EDEM1: variants seen among roughly 807,000 people sequenced by gnomAD.
The protein encoded by EDEM1 is ER degradation-enhancing alpha-mannosidase-like protein 1.
A neutral mutation model predicts 74.4 loss-of-function variants in EDEM1; 67 were observed. That is an observed-to-expected ratio of 0.90 (90% CI 0.74 to 1.10). EDEM1 has a LOEUF of 1.10. Among genes scored for constraint, EDEM1 ranks in the 50% least tolerant of loss-of-function variants. The probability of loss-of-function intolerance (pLI) is 0.00; values close to 1 mark genes in which losing one functional copy is unlikely to be tolerated. For missense variants in EDEM1, 926 were observed against 851.6 expected, an observed-to-expected ratio of 1.09 and a Z score of -1.09; for synonymous variants, 382 against 335.9, an observed-to-expected ratio of 1.14 and a Z score of -1.50.
rs555459073 is a variant in EDEM1, at chr3:5,209,429, G to T, written c.1510-746G>T. Among the ~76,000 whole-genome samples, 7 of 152,134 alleles carry T rather than the reference G, an allele frequency of 4.6e-5. No homozygotes were observed. In the East Asian group the frequency reaches 1.4e-3, roughly 29 times the overall value. On this transcript the variant is annotated intron_variant, in intron 8 of 11. Transcript: ENST00000256497. ...TGTCACTGCTTCTTTCATGTTTTCC[G>T]TTTCTCCTTCACGTTGACAGAGATG...
rs575652373 is a variant in EDEM1, at chr3:5,219,216, T to C, written c.*3298T>C. 6.6e-5 allele frequency: 10 copies of C among 152,152 alleles called. No individual in the cohort carries two copies. The highest frequency in any genetic ancestry group is 2.2e-4 in the African/African-American group (9 of 41,486). The allele number at this position is 152,152 out of a possible 1,614,324, so 9.4% of individuals were successfully genotyped here. ...TCAACATGAGACATTCCTTTCTGCT[T>C]TCTGGAGGGCACCAGGGGCCTTTCT... On this transcript the variant is annotated 3_prime_UTR_variant, in exon 12 of 12. Coordinates refer to ENST00000256497, the MANE Select transcript of EDEM1 (RefSeq NM_014674.3).
Position 5,208,533 on chromosome 3 carries a change from T to C in EDEM1, c.1509+270T>C, listed in dbSNP as rs566572849. Among the ~76,000 whole-genome samples, 9 of 152,276 alleles carry C rather than the reference T, an allele frequency of 5.9e-5. No individual in the cohort carries two copies. The East Asian group carries it at 1.5e-3, about 26-fold the overall frequency. Reference sequence around the variant, plus strand: ...CCGTAGGACTTATAACTCACATCTTTAAGTATTCATGAGGAAGATTTGGTA... The same window carrying C: ...CCGTAGGACTTATAACTCACATCTTCAAGTATTCATGAGGAAGATTTGGTA... On this transcript the variant is annotated intron_variant, in intron 8 of 11. Transcript: ENST00000256497.
rs1322637360 is a variant in EDEM1 at position 5,217,771 on chromosome 3, T to G, written c.*1853T>G. 1 of 152,216 alleles carries G rather than the reference T, an allele frequency of 6.6e-6. No homozygotes were observed. The highest frequency in any genetic ancestry group is 2.4e-5 in the African/African-American group (1 of 41,448). 9.4% of individuals were successfully genotyped at this position (152,216 alleles called of 1,614,324 possible). ...ATATATATATATATTTTAAATGTTT[T>G]CACTGACTCATTGAAAATGTTAATT... On this transcript the variant is annotated 3_prime_UTR_variant, in exon 12 of 12. Transcript: ENST00000256497.
chr3:5,208,604 G>C (rs967626459), intron 8 of EDEM1, among the ~76,000 whole-genome samples: 3 of 152,040 alleles, frequency 2.0e-5, no homozygotes, highest in African/African-American at 7.2e-5. Context: ...CCGTTTTTAG[G>C]ATGCAATTCT....
At chr3:5,205,422 T>C (rs1011136757) in intron 6 of EDEM1, among the ~76,000 whole-genome samples, 181 bp downstream of exon 6, 1 of 152,254 alleles carries the variant, frequency 6.6e-6, no homozygotes, top group African/African-American at 2.4e-5. Flanking sequence ...TGTCGCTGCA[T>C]AGCATAGTAC....
At position 5,215,954 on chromosome 3, in the gene EDEM1, T is replaced by G. The variant is rs202103991; in HGVS notation, c.*36T>G. 2.5e-6 allele frequency: 4 copies of G among 1,577,952 alleles called. No individual in the cohort carries two copies. The African/African-American group carries it at 5.4e-5, about 21-fold the overall frequency. The stretch of plus-strand genomic sequence containing the variant: ...GTGAGGCCTCATCTTGAACCAGACC[T>G]TAACGACCAAACCCAGACCATGCCA... On this transcript the variant is annotated 3_prime_UTR_variant, in exon 12 of 12. Transcript: ENST00000256497.
intron 10 of EDEM1, 23 bp from the exon 11 acceptor site, chr3:5,213,296 A>G: frequency 6.2e-7 from 1 of 1,604,316 alleles, no homozygotes; most frequent in Non-Finnish European, 8.5e-7. Flanking sequence ...TATTGGTTGT[A>G]TCTTTTTCTC....
At chr3:5,194,725 G>A (rs1277940717) in intron 1 of EDEM1, among the ~76,000 whole-genome samples, 1 of 152,196 alleles carries the variant, frequency 6.6e-6, no homozygotes. Context: ...CAACCATAGG[G>A]CAGATGAGTA....
At chr3:5,211,883 G>A (rs754166771) in intron 10 of EDEM1, among the ~76,000 whole-genome samples, 3 of 152,078 alleles carry the variant, frequency 2.0e-5, no homozygotes, top group Non-Finnish European at 2.9e-5. Flanking sequence ...CCATCTCACC[G>A]CTCTGCCTCG....
At chr3:5,207,124 A>G in intron 6 of EDEM1, 29 bp from the exon 7 acceptor site, 1 of 1,611,794 alleles carries the variant, frequency 6.2e-7, no homozygotes, top group South Asian at 1.1e-5. Context: ...CTTTCTTTTC[A>G]CCACTGAATG....
chr3:5,193,637 G>C (rs529317564), intron 1 of EDEM1, among the ~76,000 whole-genome samples: 23 of 150,070 alleles, frequency 1.5e-4, no homozygotes, highest in African/African-American at 4.7e-4. Context: ...CGCTCTTGTT[G>C]CCCAGGCTGG....
intron 7 of EDEM1, among the ~76,000 whole-genome samples, chr3:5,207,792 G>A (rs1447305526): frequency 6.6e-6 from 1 of 152,236 alleles, no homozygotes; most frequent in Non-Finnish European, 1.5e-5. Flanking sequence ...ACTGGCATGA[G>A]GCACTGTGCT....
At chr3:5,212,427 C>T (rs891678479) in intron 10 of EDEM1, among the ~76,000 whole-genome samples, 2 of 152,178 alleles carry the variant, frequency 1.3e-5, no homozygotes, top group South Asian at 2.1e-4. Flanking sequence ...TATTTCCATC[C>T]AGCAGCCACT....
chr3:5,203,237 C>T (rs1369627066), intron 5 of EDEM1, 88 bp downstream of exon 5: 9 of 1,344,280 alleles, frequency 6.7e-6, no homozygotes, highest in Admixed American at 2.7e-5. Flanking sequence ...CCTTTTTACT[C>T]TTCAACTCAA....
intron 1 of EDEM1, 115 bp downstream of exon 1, chr3:5,188,429 C>T (rs2054856901): frequency 1.7e-6 from 2 of 1,185,282 alleles, no homozygotes. Flanking sequence ...CCGTTAGGGT[C>T]CCGGGCAGCG....
Position 5,211,205 on chromosome 3 carries a change from T to C in EDEM1, c.1669T>C (p.Tyr557His). Residue 557 changes from tyrosine to histidine, a missense_variant, in exon 10 of 12, where the codon TAT (tyrosine) becomes CAT (histidine). Coordinates refer to ENST00000256497, the MANE Select transcript of EDEM1 (RefSeq NM_014674.3). ...ESFFLSETCK[Y>H]LYLLFDEDNP... ...CTTCTTTCTCAGTGAGACCTGTAAA[T>C]ATTTGTATCTGGTATGTGTGTTGCA... 1.2e-6 allele frequency: 2 copies of C among 1,614,100 alleles called. No individual in the cohort carries two copies. Among genetic ancestry groups the C allele is most frequent in the South Asian group, 2.2e-5 (2 of 91,092 alleles).
rs199525909 is a variant in EDEM1 at position 5,195,328 on chromosome 3, G to A, written c.582+47G>A. The A allele has an allele frequency of 4.5e-5, 57 of 1,271,140 alleles. No homozygotes were observed. The East Asian group carries it at 1.2e-3, about 27-fold the overall frequency. 78.7% of individuals were successfully genotyped at this position (1,271,140 alleles called of 1,614,324 possible). A position where few individuals can be genotyped will look rare whatever the true frequency, so the allele number is the denominator to read the frequency against. On this transcript the variant is annotated intron_variant, in intron 2 of 11. Coordinates refer to ENST00000256497, the MANE Select transcript of EDEM1 (RefSeq NM_014674.3). The stretch of plus-strand genomic sequence containing the variant: ...AAAAAATGAATTAAGATGTTTTAGA[G>A]TTGATTATCCCTAGTTCCCTCCAGC...
chr3:5,216,053 C>T lies in EDEM1; in HGVS notation c.*135C>T. 1 of 662,230 alleles carries T rather than the reference C, an allele frequency of 1.5e-6. No individual in the cohort carries two copies. The highest frequency in any genetic ancestry group is 2.6e-6 in the Non-Finnish European group (1 of 385,590). 41.0% of individuals were successfully genotyped at this position (662,230 alleles called of 1,614,324 possible). A position where few individuals can be genotyped will look rare whatever the true frequency, so the allele number is the denominator to read the frequency against. ...GTGTAGGAATTTCTGTGCAACACCTCACCACGTCTGGTTAATCCTTGCACA... is the reference window on the plus strand; with the variant it reads ...GTGTAGGAATTTCTGTGCAACACCTTACCACGTCTGGTTAATCCTTGCACA... On this transcript the variant is annotated 3_prime_UTR_variant, in exon 12 of 12. Coordinates refer to ENST00000256497, the MANE Select transcript of EDEM1 (RefSeq NM_014674.3).
intron 1 of EDEM1, among the ~76,000 whole-genome samples, chr3:5,192,140 A>C (rs1393293932): frequency 6.6e-6 from 1 of 152,062 alleles, no homozygotes; most frequent in East Asian, 1.9e-4. Flanking sequence ...TTTGAAGATG[A>C]TTTTCCTTTA....
Sources: allele counts gnomAD v4.1 joint callset (sites outside exome capture counted in the v4.1 genomes callset), GRCh38; gene constraint gnomAD v4.1.1; transcripts MANE v1.5; gene names NCBI Gene and HGNC (gene_info 2026-07-23, HGNC 2026-07-21).